The following GSG1L variants were observed in gnomAD, a reference collection of about 807,000 sequenced individuals.
GSG1L encodes GSG1 like.
GSG1L carries 24 observed loss-of-function variants against 42.1 expected under a neutral mutation model. The observed-to-expected ratio is 0.57, with a 90% confidence interval of 0.41 to 0.80. GSG1L has a LOEUF of 0.80. Ranked by LOEUF, GSG1L falls within the 30% of genes least tolerant of loss-of-function variation. The probability of loss-of-function intolerance (pLI) is 0.00; values close to 1 mark genes in which losing one functional copy is unlikely to be tolerated. For missense variants in GSG1L, 445 were observed against 472.2 expected, an observed-to-expected ratio of 0.94 and a Z score of 0.53; for synonymous variants, 215 against 203.5, an observed-to-expected ratio of 1.06 and a Z score of -0.48.
At chr16:27,832,200 T>C (rs1363559646) in intron 4 of GSG1L, among the ~76,000 whole-genome samples, 1 of 152,214 alleles carries the variant, frequency 6.6e-6, no homozygotes, top group African/African-American at 2.4e-5. Flanking sequence ...CACAAACAGC[T>C]GTAAGAAATG....
intron 2 of GSG1L, among the ~76,000 whole-genome samples, chr16:27,907,296 C>T (rs920189817): frequency 2.0e-5 from 3 of 152,166 alleles, no homozygotes; most frequent in Non-Finnish European, 2.9e-5. Flanking sequence ...ATTGTGGGAG[C>T]GCCTGGATCC....
At chr16:27,973,203 A>G (rs2085212290) in intron 1 of GSG1L, among the ~76,000 whole-genome samples, 1 of 152,186 alleles carries the variant, frequency 6.6e-6, no homozygotes, top group African/African-American at 2.4e-5. Context: ...TAATCCCAGC[A>G]CTTTGGGAAG....
chr16:27,935,192 C>A (rs2084700539), intron 2 of GSG1L, among the ~76,000 whole-genome samples: 1 of 152,082 alleles, frequency 6.6e-6, no homozygotes, highest in South Asian at 2.1e-4. Flanking sequence ...GCAGGGGAGC[C>A]CCTAATCCCA....
chr16:27,919,157 G>C (rs1189370561), intron 2 of GSG1L, among the ~76,000 whole-genome samples: 1 of 152,184 alleles, frequency 6.6e-6, no homozygotes, highest in African/African-American at 2.4e-5. Flanking sequence ...AGAGCCTAGG[G>C]ATGCCCAGAG....
intron 2 of GSG1L, among the ~76,000 whole-genome samples, chr16:27,903,108 C>T (rs2084280488): frequency 6.6e-6 from 1 of 152,040 alleles, no homozygotes; most frequent in African/African-American, 2.4e-5. Flanking sequence ...TGGAGGAGGT[C>T]TTGAAGGACA....
chr16:27,946,412 G>C (rs1362553191), intron 2 of GSG1L, among the ~76,000 whole-genome samples: 1 of 151,670 alleles, frequency 6.6e-6, no homozygotes, highest in African/African-American at 2.4e-5. Context: ...GGGTGTGGTG[G>C]CGGGCACCTG....
chr16:27,890,770 G>T (rs1349055163), intron 2 of GSG1L, among the ~76,000 whole-genome samples: 1 of 152,218 alleles, frequency 6.6e-6, no homozygotes, highest in Non-Finnish European at 1.5e-5. Flanking sequence ...CAGACAGGTG[G>T]GGGGCACTGG....
chr16:27,874,033 G>A (rs2083855342), intron 3 of GSG1L, among the ~76,000 whole-genome samples: 1 of 152,162 alleles, frequency 6.6e-6, no homozygotes, highest in African/African-American at 2.4e-5. Flanking sequence ...GCTGGGAGAG[G>A]GGAGCAGGTG....
chr16:27,892,502 G>A (rs1030433323), intron 2 of GSG1L, among the ~76,000 whole-genome samples: 8 of 152,026 alleles, frequency 5.3e-5, no homozygotes, highest in African/African-American at 1.2e-4. Context: ...GGTGGCTCAC[G>A]CCTGTAATCC....
intron 3 of GSG1L, among the ~76,000 whole-genome samples, chr16:27,852,265 T>C (rs1231768854): frequency 6.6e-6 from 1 of 152,034 alleles, no homozygotes; most frequent in Non-Finnish European, 1.5e-5. Context: ...GCCAGAAAGA[T>C]GGGGCAGGAG....
chr16:27,947,996 T>A (rs1226294085), intron 2 of GSG1L, among the ~76,000 whole-genome samples: 2 of 152,154 alleles, frequency 1.3e-5, no homozygotes, highest in Non-Finnish European at 2.9e-5. Flanking sequence ...CCCCATGGTG[T>A]GACGGCCAAA....
chr16:27,882,474 C>G (rs1483085859), intron 3 of GSG1L, among the ~76,000 whole-genome samples: 1 of 152,188 alleles, frequency 6.6e-6, no homozygotes, highest in Non-Finnish European at 1.5e-5. Context: ...CTGAGACCCT[C>G]ACAAAACTCT....
At chr16:27,914,785 T>C (rs953039407) in intron 2 of GSG1L, among the ~76,000 whole-genome samples, 2 of 152,126 alleles carry the variant, frequency 1.3e-5, no homozygotes, top group African/African-American at 4.8e-5. Context: ...AATAATAACA[T>C]ATAAATCATG....
chr16:27,956,754 G>A (rs2085009654), intron 2 of GSG1L, among the ~76,000 whole-genome samples: 1 of 151,720 alleles, frequency 6.6e-6, no homozygotes, highest in South Asian at 2.1e-4. Context: ...CTGGAACCAA[G>A]CCTTCCGACA....
intron 3 of GSG1L, among the ~76,000 whole-genome samples, chr16:27,883,307 C>CTGGGGATGGGGTGCA (rs1201660923): frequency 6.7e-6 from 1 of 150,178 alleles, no homozygotes; most frequent in Non-Finnish European, 1.5e-5. Flanking sequence ...CCTTGGACAG[C>CTGGGGATGGGGTGCA]TGGGGATGGG....
chr16:27,939,863 T>C (rs573064949), intron 2 of GSG1L, among the ~76,000 whole-genome samples: 2 of 152,118 alleles, frequency 1.3e-5, no homozygotes, highest in Non-Finnish European at 2.9e-5. Flanking sequence ...TAACTTTTAG[T>C]AGAGACAAGA....
At chr16:27,973,737 T>C (rs2085220615) in intron 1 of GSG1L, among the ~76,000 whole-genome samples, 1 of 152,120 alleles carries the variant, frequency 6.6e-6, no homozygotes, top group South Asian at 2.1e-4. Flanking sequence ...TTTCCCTACC[T>C]ATAAAAACAT....
At chr16:27,965,743 CCAT>C (rs1253629360) in intron 1 of GSG1L, among the ~76,000 whole-genome samples, 3 of 152,228 alleles carry the variant, frequency 2.0e-5, no homozygotes, top group African/African-American at 7.2e-5. Context: ...GGTCCAGCCA[CCAT>C]CAGTTCCCAC....
chr16:27,851,856 G>A lies in GSG1L; in HGVS notation c.551-6795C>T, dbSNP rs552664544. Among the ~76,000 whole-genome samples, 24 of 152,312 alleles carry A rather than the reference G, an allele frequency of 1.6e-4. No individual in the cohort carries two copies. The East Asian group carries it at 3.1e-3, about 20-fold the overall frequency. ...AATCATCTTTTGCTCAATCACTGGG[G>A]AGAGGGGTGGCAGGTTCCTGCGCCT... On this transcript the variant is annotated intron_variant, in intron 3 of 6. Transcript: ENST00000447459.
Sources: allele counts gnomAD v4.1 joint callset (sites outside exome capture counted in the v4.1 genomes callset), GRCh38; gene constraint gnomAD v4.1.1; transcripts MANE v1.5; gene names NCBI Gene and HGNC (gene_info 2026-07-23, HGNC 2026-07-21).